The following TAFA5 variants were observed in gnomAD, a reference collection of about 807,000 sequenced individuals.
TAFA5 encodes chemokine-like protein TAFA-5.
A neutral mutation model predicts 15.3 loss-of-function variants in TAFA5; 6 were observed. That is an observed-to-expected ratio of 0.39 (90% CI 0.21 to 0.77). The LOEUF (loss-of-function observed/expected upper bound fraction) is 0.77, where lower values mean the gene tolerates loss of function less well. Ranked by LOEUF, TAFA5 falls within the 30% of genes least tolerant of loss-of-function variation. The pLI is 0.41. For missense variants in TAFA5, 161 were observed against 193.1 expected, an observed-to-expected ratio of 0.83 and a Z score of 0.98; for synonymous variants, 103 against 80.7, an observed-to-expected ratio of 1.28 and a Z score of -1.48.
At chr22:48,738,772 C>T (rs1478023957) in intron 3 of TAFA5, among the ~76,000 whole-genome samples, 1 of 152,248 alleles carries the variant, frequency 6.6e-6, no homozygotes, top group Non-Finnish European at 1.5e-5. Flanking sequence ...CTCAGGAGCT[C>T]CGTGTTTTTT....
chr22:48,693,450 G>C (rs1298738198), intron 2 of TAFA5: 23 of 1,599,404 alleles, frequency 1.4e-5, no homozygotes, highest in Admixed American at 5.2e-5. Flanking sequence ...TGCGACTCTT[G>C]CAGATGGCTG....
At chr22:48,587,940 TCC>T (rs1924421622) in intron 1 of TAFA5, among the ~76,000 whole-genome samples, 2 of 152,204 alleles carry the variant, frequency 1.3e-5, no homozygotes, top group African/African-American at 4.8e-5. Flanking sequence ...TCTGTCTCAG[TCC>T]CCGCACTTTC....
At chr22:48,585,508 A>G (rs1050491345) in intron 1 of TAFA5, among the ~76,000 whole-genome samples, 1 of 151,436 alleles carries the variant, frequency 6.6e-6, no homozygotes, top group Non-Finnish European at 1.5e-5. Flanking sequence ...CATACACCAT[A>G]CAAACTAGAT....
intron 1 of TAFA5, among the ~76,000 whole-genome samples, chr22:48,592,307 C>A (rs1924598039): frequency 6.6e-6 from 1 of 152,232 alleles, no homozygotes; most frequent in Admixed American, 6.5e-5. Context: ...CAGGGTTGAG[C>A]CTTGGCTGTC....
intron 1 of TAFA5, among the ~76,000 whole-genome samples, chr22:48,597,510 G>A (rs1001876220): frequency 1.0e-4 from 15 of 146,802 alleles, no homozygotes; most frequent in Admixed American, 2.7e-4. Flanking sequence ...TTTCCCTGCC[G>A]GTCCCCTCTG....
At chr22:48,525,368 A>C (rs1921744854) in intron 1 of TAFA5, among the ~76,000 whole-genome samples, 1 of 152,094 alleles carries the variant, frequency 6.6e-6, no homozygotes, top group Non-Finnish European at 1.5e-5. Flanking sequence ...GGCTTGGTCC[A>C]CACCCCACCC....
chr22:48,721,068 C>G (rs1929554680), intron 3 of TAFA5, among the ~76,000 whole-genome samples: 1 of 152,218 alleles, frequency 6.6e-6, no homozygotes, highest in Non-Finnish European at 1.5e-5. Flanking sequence ...GACAGCCCCA[C>G]TGTGTGGTTG....
At chr22:48,510,878 A>T (rs1921186242) in intron 1 of TAFA5, among the ~76,000 whole-genome samples, 1 of 152,194 alleles carries the variant, frequency 6.6e-6, no homozygotes. Flanking sequence ...TCCTTCCCAC[A>T]CTCAAAAGCA....
chr22:48,514,079 A>G (rs1328608539), intron 1 of TAFA5, among the ~76,000 whole-genome samples: 1 of 152,172 alleles, frequency 6.6e-6, no homozygotes, highest in African/African-American at 2.4e-5. Flanking sequence ...GCTGTGAGAA[A>G]GAAGCTCAGT....
intron 2 of TAFA5, among the ~76,000 whole-genome samples, chr22:48,701,336 T>C (rs907914970): frequency 6.6e-6 from 1 of 152,138 alleles, no homozygotes; most frequent in African/African-American, 2.4e-5. Context: ...GGGTGGCAGC[T>C]CCCAGGGAGG....
At chr22:48,666,009 G>A (rs1927596681) in intron 2 of TAFA5, among the ~76,000 whole-genome samples, 1 of 141,960 alleles carries the variant, frequency 7.0e-6, no homozygotes, top group South Asian at 2.3e-4. Context: ...TGGGAACGAG[G>A]GGCCTGGCCT....
At chr22:48,728,659 T>C (rs1303843581) in intron 3 of TAFA5, among the ~76,000 whole-genome samples, 18 of 152,178 alleles carry the variant, frequency 1.2e-4, no homozygotes, top group Non-Finnish European at 1.5e-5. Flanking sequence ...TACTCATCAG[T>C]GTATGTATGT....
chr22:48,683,235 G>A (rs1328659057), intron 2 of TAFA5, among the ~76,000 whole-genome samples: 1 of 152,166 alleles, frequency 6.6e-6, no homozygotes, highest in African/African-American at 2.4e-5. Context: ...ACCTCGGACA[G>A]GCCCGGATGT....
chr22:48,585,136 C>T (rs1011318591), intron 1 of TAFA5, among the ~76,000 whole-genome samples: 15 of 149,248 alleles, frequency 1.0e-4, no homozygotes, highest in African/African-American at 3.7e-4. Context: ...AGATGCCACA[C>T]ACAACAAAAT....
intron 1 of TAFA5, among the ~76,000 whole-genome samples, chr22:48,588,237 C>T (rs1202957494): frequency 1.3e-5 from 2 of 152,228 alleles, no homozygotes; most frequent in Non-Finnish European, 2.9e-5. Flanking sequence ...GCCATGACCG[C>T]AGTGACTGCT....
At chr22:48,567,466 T>A (rs755724630) in intron 1 of TAFA5, among the ~76,000 whole-genome samples, 5 of 152,180 alleles carry the variant, frequency 3.3e-5, no homozygotes, top group African/African-American at 4.8e-5. Context: ...AGAGAAAAGA[T>A]AAGAATTTCA....
Position 48,566,031 on chromosome 22 carries a change from G to A in TAFA5, c.112+76327G>A, listed in dbSNP as rs188541064. Among the ~76,000 whole-genome samples, 52 of 151,828 alleles carry A rather than the reference G, an allele frequency of 3.4e-4. No homozygotes were observed. Among genetic ancestry groups the A allele is most frequent in the Admixed American group, 2.8e-3 (42 of 15,228 alleles). On this transcript the variant is annotated intron_variant, in intron 1 of 3. Transcript: ENST00000402357. This position sits in a 1 kb window ranked among gnomAD's most constrained non-coding sequence, Gnocchi z 4.5. ...GATGGATTGTGGCTAGATGGATGAC[G>A]GATAGATGATGAGCTGATGATGGAT...
At chr22:48,708,903 G>C (rs758855428) in intron 3 of TAFA5, among the ~76,000 whole-genome samples, 2 of 152,206 alleles carry the variant, frequency 1.3e-5, no homozygotes, top group Admixed American at 1.3e-4. Flanking sequence ...CGGCTGGGCT[G>C]TTCCGGCACT....
chr22:48,638,973 A>G (rs1345643700), intron 1 of TAFA5, among the ~76,000 whole-genome samples: 12 of 139,398 alleles, frequency 8.6e-5, no homozygotes, highest in South Asian at 8.3e-4. Context: ...CACCACACAC[A>G]GGGGGGACCC....
Sources: allele counts gnomAD v4.1 joint callset (sites outside exome capture counted in the v4.1 genomes callset), GRCh38; gene constraint gnomAD v4.1.1; non-coding constraint Gnocchi (gnomAD v3.1); transcripts MANE v1.5; gene names NCBI Gene and HGNC (gene_info 2026-07-23, HGNC 2026-07-21).